Variants in MYO5B observed in about 807,000 individuals in gnomAD.
MYO5B encodes the protein unconventional myosin-Vb.
MYO5B carries 143 observed loss-of-function variants against 229.3 expected under a neutral mutation model. The ratio of observed to expected loss-of-function variants is 0.62; its 90% CI spans 0.54 to 0.72. The LOEUF is 0.72. Ranked by LOEUF, MYO5B falls within the 30% of genes least tolerant of loss-of-function variation. The pLI, the probability that MYO5B is intolerant of heterozygous loss-of-function variation, is 0.00. For missense variants in MYO5B, 2,321 were observed against 2,331.0 expected, an observed-to-expected ratio of 1.00 and a Z score of 0.09; for synonymous variants, 918 against 885.2, an observed-to-expected ratio of 1.04 and a Z score of -0.66.
At chr18:49,839,107 C>T (rs559238156) in intron 36 of MYO5B, 37 bp downstream of exon 36, 26 of 1,611,580 alleles carry the variant, frequency 1.6e-5, no homozygotes, top group South Asian at 2.2e-5. Flanking sequence ...TTTCAGACAC[C>T]ATGATGAGTG....
At chr18:49,912,291 A>C in intron 17 of MYO5B, 118 bp from the exon 18 acceptor site, 1 of 799,450 alleles carries the variant, frequency 1.3e-6, no homozygotes, top group South Asian at 1.4e-5. Flanking sequence ...AGTCATTCTC[A>C]GAGCAGCAAA....
At chr18:50,029,094 C>T (rs974526240) in intron 4 of MYO5B, among the ~76,000 whole-genome samples, 11 of 152,178 alleles carry the variant, frequency 7.2e-5, no homozygotes, top group Non-Finnish European at 1.0e-4. Context: ...AAATAACTTT[C>T]CCCTACTCAG....
In MYO5B at chr18:49,902,664, T is replaced by A; in HGVS notation, c.2741A>T (p.Glu914Val). Reference protein sequence around the residue: ...KALRIEARSAEHLKRLNVGME... With the variant: ...KALRIEARSAVHLKRLNVGME... ...GCCCACGTTGAGACGTTTCAGATGC[T>A]CTGCTGAGCGGGCCTCAATCCTGAG... Residue 914 changes from glutamate to valine, a missense_variant, in exon 21 of 40, where the codon GAG becomes GTG. Glu to Val is a moderately radical substitution (Grantham distance 121, BLOSUM62 -2). Around this residue, in one of 2 missense-constraint regions of MYO5B, gnomAD observed 2,113 missense variants for 2,044.7 expected, o/e 1.03. Coordinates refer to ENST00000285039, the MANE Select transcript of MYO5B (RefSeq NM_001080467.3). 1.2e-6 allele frequency: 2 copies of A among 1,613,340 alleles called. No individual in the cohort carries two copies. The highest frequency in any genetic ancestry group is 2.7e-5 in the African/African-American group (2 of 75,046).
intron 30 of MYO5B, among the ~76,000 whole-genome samples, chr18:49,855,232 T>A (rs750625305): frequency 6.6e-6 from 1 of 152,226 alleles, no homozygotes; most frequent in Non-Finnish European, 1.5e-5. Flanking sequence ...TCACTGTTCA[T>A]GTCTTATTCT....
intron 39 of MYO5B, among the ~76,000 whole-genome samples, chr18:49,830,723 C>G (rs964972891): frequency 2.3e-4 from 34 of 149,902 alleles, no homozygotes; most frequent in Non-Finnish European, 5.9e-5. Flanking sequence ...TGGTGCATGC[C>G]TATATTCCCT....
chr18:49,850,357 T>G (rs1237618689), intron 31 of MYO5B: 1 of 154,990 alleles, frequency 6.5e-6, no homozygotes, highest in Non-Finnish European at 1.4e-5. Flanking sequence ...AAGCGAGTAT[T>G]CCATGGTGGA....
At chr18:50,099,391 G>C (rs1202916953) in intron 1 of MYO5B, among the ~76,000 whole-genome samples, 1 of 152,226 alleles carries the variant, frequency 6.6e-6, no homozygotes, top group Non-Finnish European at 1.5e-5. Flanking sequence ...GACACAGGAA[G>C]ACTGTGCTTC....
intron 1 of MYO5B, among the ~76,000 whole-genome samples, chr18:50,101,883 G>A (rs531272289): frequency 6.6e-6 from 1 of 152,002 alleles, no homozygotes; most frequent in Admixed American, 6.5e-5. Flanking sequence ...CCCATTACTG[G>A]GTATATACCC....
chr18:49,979,675 A>G (rs976067652), intron 9 of MYO5B, among the ~76,000 whole-genome samples: 4 of 152,246 alleles, frequency 2.6e-5, no homozygotes, highest in African/African-American at 9.6e-5. Flanking sequence ...CCCTGGAAGC[A>G]AGAATCATAC....
intron 30 of MYO5B, among the ~76,000 whole-genome samples, chr18:49,856,454 A>G (rs552586920): frequency 6.6e-6 from 1 of 152,344 alleles, no homozygotes; most frequent in African/African-American, 2.4e-5. Flanking sequence ...GTGTGAAAGC[A>G]GCACAGGCCC....
intron 1 of MYO5B, among the ~76,000 whole-genome samples, chr18:50,141,707 G>C (rs891928799): frequency 1.3e-5 from 2 of 152,172 alleles, no homozygotes; most frequent in East Asian, 1.9e-4. Flanking sequence ...CATAACAAAG[G>C]CAAGACCCCT....
rs149825332 is a variant in MYO5B, at chr18:49,944,989, C to T, written c.1753-7592G>A. On this transcript the variant is annotated intron_variant, in intron 14 of 39. Coordinates refer to ENST00000285039, the MANE Select transcript of MYO5B (RefSeq NM_001080467.3). ...GTGTGCTTTCATTTTTGATCCTACC[C>T]GACCTCTTCAAAGGCCTCTGTGCCA... Among the ~76,000 whole-genome samples the T allele has an allele frequency of 2.5e-3, 384 of 152,316 alleles. 4 individuals carry two copies. The highest frequency in any genetic ancestry group is 7.6e-3 in the Admixed American group (117 of 15,314).
At chr18:49,895,710 G>A (rs1408854680) in intron 21 of MYO5B, among the ~76,000 whole-genome samples, 1 of 152,160 alleles carries the variant, frequency 6.6e-6, no homozygotes, top group Non-Finnish European at 1.5e-5. Context: ...TGTCAGCCAT[G>A]GCTTGCCCCA....
At chr18:49,949,529 C>T (rs1228591841) in intron 14 of MYO5B, among the ~76,000 whole-genome samples, 2 of 152,106 alleles carry the variant, frequency 1.3e-5, no homozygotes, top group African/African-American at 4.8e-5. Flanking sequence ...TCATTAACAC[C>T]CTGTTATTTC....
intron 31 of MYO5B, among the ~76,000 whole-genome samples, chr18:49,852,457 T>C (rs2024212992): frequency 6.6e-6 from 1 of 152,156 alleles, no homozygotes; most frequent in Non-Finnish European, 1.5e-5. Context: ...GAAGATCATG[T>C]GTATGTAAGT....
chr18:50,002,358 T>C (rs1365928629), intron 4 of MYO5B, among the ~76,000 whole-genome samples: 2 of 152,152 alleles, frequency 1.3e-5, no homozygotes, highest in East Asian at 3.9e-4. Flanking sequence ...GAAGATACTC[T>C]ACATCAGATA....
chr18:49,822,831 T>C lies in MYO5B; in HGVS notation c.*3640A>G, dbSNP rs1331960796. 6.6e-6 allele frequency: 1 copy of C among 152,246 alleles called. No homozygotes were observed. Among genetic ancestry groups the C allele is most frequent in the Non-Finnish European group, 1.5e-5 (1 of 68,042 alleles). 9.4% of individuals were successfully genotyped at this position (152,246 alleles called of 1,614,324 possible). On this transcript the variant is annotated 3_prime_UTR_variant, in exon 40 of 40. Transcript: ENST00000285039. ...ACACCTCTTTATTCAAAAGTATTTA[T>C]TTCCACAAATTTTTATCCACAGCTA... is the stretch of plus-strand genomic sequence containing the variant.
At chr18:49,917,214 G>A (rs567544690) in intron 17 of MYO5B, among the ~76,000 whole-genome samples, 7 of 152,182 alleles carry the variant, frequency 4.6e-5, no homozygotes, top group African/African-American at 7.2e-5. Context: ...TCTGATCCAC[G>A]TTTAACCCTT....
Position 49,895,103 on chromosome 18 carries a change from C to T in MYO5B, c.2883G>A (p.Arg961=). The T allele has an allele frequency of 1.2e-6, 2 of 1,614,154 alleles. No homozygotes were observed. Among genetic ancestry groups the T allele is most frequent in the Non-Finnish European group, 8.5e-7 (1 of 1,180,028 alleles). The change falls in exon 22 of 40, where the codon CGG becomes CGA. Residue 961 remains arginine, a synonymous_variant. Transcript: ENST00000285039. ...GGTAGTGCACCAGCTCCTTCTTCAG[C>T]CGCTCTACCTCCATGGTGTATGTTG... The part of the protein sequence containing the change: ...TTSTYTMEVE[R]LKKELVHYQQ...
Sources: gnomAD v4.1 joint callset for allele counts (sites outside exome capture counted in the v4.1 genomes callset) on GRCh38, gnomAD v4.1.1 for gene constraint, gnomAD v4.1.1 regional missense constraint, MANE v1.5 for transcripts, NCBI Gene and HGNC (gene_info 2026-07-23, HGNC 2026-07-21) for gene names.